RPS6KC1: variants seen among roughly 807,000 people sequenced by gnomAD.
RPS6KC1 encodes ribosomal protein S6 kinase C1.
In RPS6KC1, 54 loss-of-function variants were observed where a neutral mutation model predicts 103.8. The observed-to-expected ratio is 0.52, with a 90% CI of 0.42 to 0.65. The LOEUF (loss-of-function observed/expected upper bound fraction) is 0.65, where lower values mean the gene tolerates loss of function less well. RPS6KC1 is among the 30% of genes least tolerant of loss of function. RPS6KC1 has a pLI of 0.00. For missense variants in RPS6KC1, 1,151 were observed against 1,253.8 expected (o/e 0.92, Z 1.24); for synonymous variants, 439 against 438.7 (o/e 1.00, Z -0.01).
At chr1:213,695,821 C>T in the RPS6KC1 span, among the ~76,000 whole-genome samples, 2 of 151,968 alleles carry the variant, frequency 1.3e-5, no homozygotes, top group Non-Finnish European at 2.9e-5. Context: ...GGTTTTGAGG[C>T]AAAAAATACA....
At chr1:213,210,122 A>G (rs1168793918) in intron 8 of RPS6KC1, among the ~76,000 whole-genome samples, 1 of 152,054 alleles carries the variant, frequency 6.6e-6, no homozygotes, top group East Asian at 1.9e-4. Context: ...CTCCTATCTC[A>G]TCTGTGACTA....
At chr1:213,454,422 A>C in the RPS6KC1 span, among the ~76,000 whole-genome samples, 1 of 152,348 alleles carries the variant, frequency 6.6e-6, no homozygotes, top group East Asian at 1.9e-4. Context: ...AACCTCATGC[A>C]ATGTAACAAT....
At chr1:213,363,815 T>TTTCTTTCTTCTC in the RPS6KC1 span, among the ~76,000 whole-genome samples, 86 of 69,550 alleles carry the variant, frequency 1.2e-3, 7 homozygotes, top group African/African-American at 5.2e-3. Flanking sequence ...TCTTTCTTTC[T>TTTCTTTCTTCTC]TCTCTCTTTT....
chr1:213,833,834 A>G, the RPS6KC1 span, among the ~76,000 whole-genome samples: 1 of 152,162 alleles, frequency 6.6e-6, no homozygotes, highest in East Asian at 1.9e-4. Context: ...GCCCACTACC[A>G]TGTGGGTGGA....
the RPS6KC1 span, among the ~76,000 whole-genome samples, chr1:213,545,407 TAAATAAATA>T: frequency 2.5e-5 from 2 of 78,884 alleles, no homozygotes; most frequent in East Asian, 4.7e-4. Flanking sequence ...AATAAATAAA[TAAATAAATA>T]AAATAAAATA....
the RPS6KC1 span, chr1:213,428,785 A>G: frequency 0.024 from 3,709 of 152,400 alleles, 60 homozygotes; most frequent in Middle Eastern, 0.041. Flanking sequence ...TTGTTTGCTG[A>G]ACCCTCATCT....
the RPS6KC1 span, chr1:213,546,493 T>C: frequency 2.6e-5 from 4 of 152,210 alleles, no homozygotes; most frequent in African/African-American, 9.6e-5. Flanking sequence ...CCAATGTATC[T>C]GTAGATAGAT....
intron 8 of RPS6KC1, among the ~76,000 whole-genome samples, chr1:213,218,510 G>GA (rs2093732887): frequency 6.6e-6 from 1 of 152,056 alleles, no homozygotes; most frequent in African/African-American, 2.4e-5. Context: ...CACAGAATTG[G>GA]AAAAAACTAC....
intron 3 of RPS6KC1, among the ~76,000 whole-genome samples, chr1:213,091,277 A>G (rs1333959716): frequency 6.6e-6 from 1 of 151,666 alleles, no homozygotes; most frequent in African/African-American, 2.4e-5. Context: ...AGCCAGGATG[A>G]TCTCGATCTC....
the RPS6KC1 span, among the ~76,000 whole-genome samples, chr1:213,358,252 T>A: frequency 1.3e-5 from 2 of 152,194 alleles, no homozygotes. Context: ...CGGCTGTGAA[T>A]CCATCTGGTC....
chr1:213,070,324 A>G (rs2078752823), intron 1 of RPS6KC1, among the ~76,000 whole-genome samples: 1 of 152,218 alleles, frequency 6.6e-6, no homozygotes, highest in Non-Finnish European at 1.5e-5. Flanking sequence ...AATTATGTTA[A>G]TTAAGTAAGA....
the RPS6KC1 span, among the ~76,000 whole-genome samples, chr1:213,365,770 AC>A: frequency 6.6e-6 from 1 of 152,314 alleles, no homozygotes; most frequent in South Asian, 2.1e-4. Context: ...GGGTCTGCAA[AC>A]TTTTTATGTA....
the RPS6KC1 span, among the ~76,000 whole-genome samples, chr1:213,343,742 T>C: frequency 6.6e-6 from 1 of 151,676 alleles, no homozygotes; most frequent in African/African-American, 2.4e-5. Flanking sequence ...AAATCGCCAC[T>C]AAAGAACTTC....
At chr1:213,498,315 C>T in the RPS6KC1 span, among the ~76,000 whole-genome samples, 9 of 152,132 alleles carry the variant, frequency 5.9e-5, no homozygotes, top group Non-Finnish European at 1.3e-4. Flanking sequence ...AATTTTCATT[C>T]CAGTTATACA....
intron 6 of RPS6KC1, among the ~76,000 whole-genome samples, chr1:213,141,834 T>C (rs925847571): frequency 6.6e-6 from 1 of 151,974 alleles, no homozygotes; most frequent in African/African-American, 2.4e-5. Flanking sequence ...TTTTTTTTTT[T>C]CTTTTTTCAT....
At chr1:213,613,989 A>G in the RPS6KC1 span, among the ~76,000 whole-genome samples, 7 of 152,220 alleles carry the variant, frequency 4.6e-5, no homozygotes, top group South Asian at 2.1e-4. Flanking sequence ...TGGGTGGAGG[A>G]AAGATCTTCC....
At chr1:213,082,168 C>T (rs2079954881) in intron 3 of RPS6KC1, among the ~76,000 whole-genome samples, 1 of 152,022 alleles carries the variant, frequency 6.6e-6, no homozygotes, top group Non-Finnish European at 1.5e-5. Context: ...TGCCTGTAAT[C>T]CCAGCACTTT....
At chr1:213,094,210 T>C (rs1338354299) in intron 3 of RPS6KC1, among the ~76,000 whole-genome samples, 1 of 152,192 alleles carries the variant, frequency 6.6e-6, no homozygotes, top group African/African-American at 2.4e-5. Flanking sequence ...TTTCTCATTT[T>C]TTCCTGAACC....
the RPS6KC1 span, among the ~76,000 whole-genome samples, chr1:213,477,160 G>GT: frequency 6.6e-6 from 1 of 152,190 alleles, no homozygotes; most frequent in Non-Finnish European, 1.5e-5. Context: ...GTGGTCTAAT[G>GT]TAGGGCCAGG....
Sources: gnomAD v4.1 joint callset for allele counts (sites outside exome capture counted in the v4.1 genomes callset) on GRCh38, gnomAD v4.1.1 for gene constraint, MANE v1.5 for transcripts, NCBI Gene and HGNC (gene_info 2026-07-23, HGNC 2026-07-21) for gene names.